Variants in INPP4B observed in about 807,000 individuals in gnomAD.
INPP4B encodes the protein inositol polyphosphate-4-phosphatase type II B, also known as inositol polyphosphate 4-phosphatase type II.
Under a neutral mutation model 122.5 loss-of-function variants are expected in INPP4B, and 55 were observed. That is an observed-to-expected ratio of 0.45 (90% CI 0.36 to 0.56). The LOEUF is 0.56. Among genes scored for constraint, INPP4B ranks in the 20% least tolerant of loss-of-function variants. The pLI is 0.00. For synonymous variants in INPP4B, 403 were observed against 388.7 expected (o/e 1.04, Z -0.43); for missense variants, 1,000 against 1,097.7 (o/e 0.91, Z 1.26).
At chr4:142,784,933 C>A (rs905182451) in intron 1 of INPP4B, among the ~76,000 whole-genome samples, 38 of 152,114 alleles carry the variant, frequency 2.5e-4, no homozygotes, top group Non-Finnish European at 4.6e-4. Flanking sequence ...CTAAGAAATA[C>A]TTGTGGAGGT....
intron 25 of INPP4B, among the ~76,000 whole-genome samples, chr4:142,080,947 A>G (rs1773611898): frequency 6.6e-6 from 1 of 152,206 alleles, no homozygotes; most frequent in African/African-American, 2.4e-5. Flanking sequence ...AACATGTTGT[A>G]TATGGCTGAG....
At chr4:142,662,089 A>G (rs1755279161) in intron 2 of INPP4B, among the ~76,000 whole-genome samples, 2 of 151,846 alleles carry the variant, frequency 1.3e-5, no homozygotes, top group South Asian at 4.2e-4. Context: ...AACAAAATTA[A>G]CCGGGCGTGG....
intron 1 of INPP4B, among the ~76,000 whole-genome samples, chr4:142,784,344 TAGAG>T (rs1775390501): frequency 6.7e-6 from 1 of 150,298 alleles, no homozygotes; most frequent in African/African-American, 2.4e-5. Flanking sequence ...GCCTGGGTGA[TAGAG>T]AGAAACTCTG....
intron 1 of INPP4B, among the ~76,000 whole-genome samples, chr4:142,801,282 C>T (rs1488892755): frequency 6.6e-6 from 1 of 152,192 alleles, no homozygotes; most frequent in East Asian, 1.9e-4. Flanking sequence ...ATCCTAAAAA[C>T]ATTCACATAT....
intron 12 of INPP4B, among the ~76,000 whole-genome samples, chr4:142,228,762 T>A (rs929230119): frequency 6.6e-6 from 1 of 151,652 alleles, no homozygotes; most frequent in Non-Finnish European, 1.5e-5. Flanking sequence ...AAAATATATA[T>A]CATGAAATAT....
rs940658482 is a variant in INPP4B, at chr4:142,028,143, T to G, written c.*639A>C. On this transcript the variant is annotated 3_prime_UTR_variant, in exon 26 of 26. Transcript: ENST00000262992. ...TCAGAGTTCTGAAAAGATGCCATGG[T>G]TTTGAAAGGTCTGTTGACCACTTTA... 4.4e-6 allele frequency: 1 copy of G among 229,324 alleles called. No homozygotes were observed. Among genetic ancestry groups the G allele is most frequent in the African/African-American group, 2.2e-5 (1 of 45,108 alleles). The allele number at this position is 229,324 out of a possible 1,614,324, so 14.2% of individuals were successfully genotyped here.
chr4:142,732,059 G>T (rs1423283806), intron 1 of INPP4B, among the ~76,000 whole-genome samples: 1 of 152,050 alleles, frequency 6.6e-6, no homozygotes, highest in Non-Finnish European at 1.5e-5. Flanking sequence ...AAGGAAAAAA[G>T]TCTAAAGCAC....
chr4:142,150,867 C>T (rs888768170), intron 17 of INPP4B, among the ~76,000 whole-genome samples: 4 of 152,218 alleles, frequency 2.6e-5, no homozygotes, highest in Admixed American at 2.0e-4. Context: ...AAATATATTC[C>T]GTAATACTTA....
chr4:142,691,115 C>G (rs930984987), intron 2 of INPP4B, among the ~76,000 whole-genome samples: 1 of 152,090 alleles, frequency 6.6e-6, no homozygotes, highest in Non-Finnish European at 1.5e-5. Flanking sequence ...GAGCTCTAAG[C>G]GCATCTCAGC....
chr4:142,800,482 T>C (rs1404181520), intron 1 of INPP4B, among the ~76,000 whole-genome samples: 1 of 152,156 alleles, frequency 6.6e-6, no homozygotes, highest in African/African-American at 2.4e-5. Context: ...AATGATATAA[T>C]ATATGTATGA....
At chr4:142,048,774 T>C (rs1407255831) in intron 25 of INPP4B, among the ~76,000 whole-genome samples, 1 of 151,994 alleles carries the variant, frequency 6.6e-6, no homozygotes, top group Non-Finnish European at 1.5e-5. Flanking sequence ...TACTTGGATT[T>C]AAAATATTAG....
At chr4:142,557,366 C>T (rs1361616465) in intron 2 of INPP4B, among the ~76,000 whole-genome samples, 3 of 152,262 alleles carry the variant, frequency 2.0e-5, no homozygotes, top group East Asian at 3.9e-4. Flanking sequence ...GAAAGTCAGA[C>T]TCACTGTAAA....
intron 2 of INPP4B, among the ~76,000 whole-genome samples, chr4:142,627,597 T>C (rs868609802): frequency 4.3e-4 from 61 of 143,242 alleles, no homozygotes; most frequent in Middle Eastern, 7.1e-3. Flanking sequence ...ATCCCAGGGA[T>C]GAAGCCCACT....
chr4:142,383,513 C>T (rs764770340), intron 7 of INPP4B, among the ~76,000 whole-genome samples: 1 of 152,124 alleles, frequency 6.6e-6, no homozygotes, highest in Non-Finnish European at 1.5e-5. Flanking sequence ...CCCATCAAAA[C>T]AGAGTTATGT....
chr4:142,530,875 G>A lies in INPP4B; in HGVS notation c.-190-68149C>T, dbSNP rs141380411. 4.6e-3 allele frequency among the ~76,000 whole-genome samples: 695 copies of A among 152,088 alleles called. 6 individuals carry two copies. The highest frequency in any genetic ancestry group is 0.034 in the Middle Eastern group (10 of 294). Reference sequence around the variant, plus strand: ...GGCTAGGGAGCAGGGGAGGAGGGGAGGAGGAGAACAGGTCAGAGATTGAGC... The same window carrying A: ...GGCTAGGGAGCAGGGGAGGAGGGGAAGAGGAGAACAGGTCAGAGATTGAGC... On this transcript the variant is annotated intron_variant, in intron 2 of 25. Transcript: ENST00000262992.
At chr4:142,580,593 A>G (rs1402002547) in intron 2 of INPP4B, among the ~76,000 whole-genome samples, 1 of 152,024 alleles carries the variant, frequency 6.6e-6, no homozygotes, top group East Asian at 1.9e-4. Flanking sequence ...CAGGTTACAA[A>G]GAACGTGTTT....
chr4:142,100,492 G>C (rs1443138989), intron 23 of INPP4B, among the ~76,000 whole-genome samples: 1 of 152,090 alleles, frequency 6.6e-6, no homozygotes, highest in Non-Finnish European at 1.5e-5. Flanking sequence ...TAAACTCTTG[G>C]TGACTTGACT....
At chr4:142,454,574 C>T (rs1814989646) in intron 3 of INPP4B, among the ~76,000 whole-genome samples, 1 of 151,994 alleles carries the variant, frequency 6.6e-6, no homozygotes, top group Non-Finnish European at 1.5e-5. Context: ...CTGCAGTGCT[C>T]ATCTGGATCC....
At chr4:142,181,007 G>C (rs912496154) in intron 15 of INPP4B, among the ~76,000 whole-genome samples, 1 of 152,180 alleles carries the variant, frequency 6.6e-6, no homozygotes, top group South Asian at 2.1e-4. Flanking sequence ...GGGTACTCAA[G>C]GTAATCAGTG....
Sources: gnomAD v4.1 joint callset for allele counts (sites outside exome capture counted in the v4.1 genomes callset) on GRCh38, gnomAD v4.1.1 for gene constraint, MANE v1.5 for transcripts, NCBI Gene and HGNC (gene_info 2026-07-23, HGNC 2026-07-21) for gene names.